HMCN1: variants seen among roughly 807,000 people sequenced by gnomAD.
HMCN1 encodes hemicentin-1.
HMCN1 carries 321 observed loss-of-function variants against 625.9 expected under a neutral mutation model. The observed-to-expected ratio is 0.51, with a 90% CI of 0.47 to 0.56. The LOEUF (loss-of-function observed/expected upper bound fraction) is 0.56. Among genes scored for constraint, HMCN1 ranks in the 20% least tolerant of loss-of-function variants. The pLI is 0.00. For synonymous variants in HMCN1, 2,425 were observed against 2,417.6 expected, an observed-to-expected ratio of 1.00 and a Z score of -0.09; for missense variants, 6,588 against 6,887.3, an observed-to-expected ratio of 0.96 and a Z score of 1.54.
At chr1:186,060,505 G>A (rs868290362) in intron 46 of HMCN1, among the ~76,000 whole-genome samples, 16 of 152,024 alleles carry the variant, frequency 1.1e-4, no homozygotes, top group Middle Eastern at 3.4e-3. Flanking sequence ...TTTAAATAGA[G>A]TTCTCCTCCA....
intron 1 of HMCN1, among the ~76,000 whole-genome samples, chr1:185,841,105 G>A (rs1661449295): frequency 6.6e-6 from 1 of 152,086 alleles, no homozygotes; most frequent in Admixed American, 6.6e-5. Flanking sequence ...ATTTTCTTAA[G>A]TACAACCCAG....
chr1:185,749,159 C>T (rs529085812), intron 1 of HMCN1, among the ~76,000 whole-genome samples: 1 of 152,268 alleles, frequency 6.6e-6, no homozygotes, highest in South Asian at 2.1e-4. Context: ...TGATTCACCA[C>T]CTAAAATTCC....
At position 185,974,672 on chromosome 1, in the gene HMCN1, T is replaced by C. The variant is rs1651071325; in HGVS notation, c.2372-3115T>C. ...GAGTAGGAAGTATTTAAAAAGCTTC[T>C]TGGCTGTATTAGGAGTTGCTTCATT... On this transcript the variant is annotated intron_variant, in intron 15 of 106. Transcript: ENST00000271588. 2.0e-5 allele frequency among the ~76,000 whole-genome samples: 3 copies of C among 152,188 alleles called. No homozygotes were observed. The South Asian group carries it at 6.2e-4, about 32-fold the overall frequency.
chr1:185,963,930 G>A, intron 13 of HMCN1, 35 bp downstream of exon 13: 5 of 1,577,774 alleles, frequency 3.2e-6, no homozygotes, highest in Non-Finnish European at 4.4e-6. Context: ...AATTAAAATA[G>A]GATGAATATC....
intron 1 of HMCN1, among the ~76,000 whole-genome samples, chr1:185,762,205 A>T (rs1655556563): frequency 6.6e-6 from 1 of 152,212 alleles, no homozygotes; most frequent in Non-Finnish European, 1.5e-5. Flanking sequence ...TGACATTGTC[A>T]TTACTTTTCA....
intron 1 of HMCN1, among the ~76,000 whole-genome samples, chr1:185,831,811 C>T (rs1030489092): frequency 2.0e-5 from 3 of 151,810 alleles, no homozygotes; most frequent in East Asian, 1.9e-4. Context: ...CAAACATATA[C>T]GGGAAAAAAA....
chr1:186,112,705 A>C lies in HMCN1; in HGVS notation c.10990-107A>C, dbSNP rs1660946793. ...GGAGGAGCAGACAAAGCATGCTGACAGACAGCAGGTCCACAGTTCACTATA... is the reference window on the plus strand; with the variant it reads ...GGAGGAGCAGACAAAGCATGCTGACCGACAGCAGGTCCACAGTTCACTATA... On this transcript the variant is annotated intron_variant, in intron 71 of 106. Transcript: ENST00000271588. 5 of 1,332,468 alleles carry C rather than the reference A, an allele frequency of 3.8e-6. No individual in the cohort carries two copies. In the Admixed American group the frequency reaches 9.3e-5, roughly 25 times the overall value. 82.5% of individuals were successfully genotyped at this position (1,332,468 alleles called of 1,614,324 possible).
chr1:186,113,173 G>A (rs151036214), intron 72 of HMCN1, among the ~76,000 whole-genome samples: 226 of 152,298 alleles, frequency 1.5e-3, no homozygotes, highest in African/African-American at 5.1e-3. Flanking sequence ...TAGAGAATAT[G>A]TCCAATTGTT....
intron 30 of HMCN1, among the ~76,000 whole-genome samples, chr1:186,011,110 A>G (rs1217134896): frequency 6.6e-6 from 1 of 151,950 alleles, no homozygotes; most frequent in Non-Finnish European, 1.5e-5. Context: ...CAGTGGAGTG[A>G]TCTCAGCTCA....
chr1:186,032,477 G>T (rs771880232), intron 36 of HMCN1, among the ~76,000 whole-genome samples: 4 of 152,054 alleles, frequency 2.6e-5, no homozygotes, highest in Non-Finnish European at 5.9e-5. Context: ...CCGATGGGAG[G>T]TAATTGAATC....
intron 4 of HMCN1, among the ~76,000 whole-genome samples, chr1:185,895,827 G>A (rs555528785): frequency 2.6e-5 from 4 of 152,268 alleles, no homozygotes; most frequent in African/African-American, 9.6e-5. Flanking sequence ...ACAGTGTTAG[G>A]ATTTGCCCTT....
At chr1:186,121,988 CA>C (rs1197769464) in intron 80 of HMCN1, among the ~76,000 whole-genome samples, 2 of 152,056 alleles carry the variant, frequency 1.3e-5, no homozygotes, top group Admixed American at 1.3e-4. Context: ...GATAAGGACC[CA>C]AAAGTATTCA....
intron 4 of HMCN1, among the ~76,000 whole-genome samples, chr1:185,873,896 C>T (rs1436429596): frequency 6.6e-6 from 1 of 151,930 alleles, no homozygotes; most frequent in Admixed American, 6.6e-5. Context: ...ACTTACTTTT[C>T]ATAATTACCT....
chr1:185,779,095 A>G (rs1295194287), intron 1 of HMCN1, among the ~76,000 whole-genome samples: 1 of 152,234 alleles, frequency 6.6e-6, no homozygotes, highest in Non-Finnish European at 1.5e-5. Context: ...TCTGATGGCC[A>G]GTGATGATGA....
chr1:185,968,329 A>G (rs1650567397), intron 14 of HMCN1, among the ~76,000 whole-genome samples: 1 of 152,104 alleles, frequency 6.6e-6, no homozygotes, highest in African/African-American at 2.4e-5. Context: ...GAGATTTGCA[A>G]AATGTGAAAC....
intron 78 of HMCN1, 30 bp from the exon 79 acceptor site, chr1:186,119,715 A>C: frequency 1.2e-6 from 2 of 1,610,780 alleles, no homozygotes; most frequent in Non-Finnish European, 1.7e-6. Context: ...TAGTGCTATT[A>C]CTTCTTTTTG....
chr1:186,076,700 T>C, intron 54 of HMCN1, 78 bp downstream of exon 54: 1 of 1,417,808 alleles, frequency 7.1e-7, no homozygotes, highest in Non-Finnish European at 9.9e-7. Context: ...ACGAATTGAA[T>C]TGGTTGGGTC....
At chr1:186,088,364 A>G in intron 62 of HMCN1, 88 bp downstream of exon 62, 1 of 1,592,572 alleles carries the variant, frequency 6.3e-7, no homozygotes, top group Non-Finnish European at 8.6e-7. Flanking sequence ...CATTTTAAGT[A>G]CCATGCTCAT....
chr1:185,933,694 G>A lies in HMCN1; in HGVS notation c.1698G>A (p.Ala566=), dbSNP rs780133213. The change falls in exon 11 of 107, where the codon GCG becomes GCA. Residue 566 remains alanine, a synonymous_variant. Transcript: ENST00000271588. ...NDRDVRLAEP[A]RIRTLANLSL... ...GAGATGTCAGACTGGCAGAGCCAGC[G>A]AGAATTAGGACCTTGGCTAATCTGT... 2.4e-5 allele frequency: 38 copies of A among 1,613,904 alleles called. No homozygotes were observed. Among genetic ancestry groups the A allele is most frequent in the East Asian group, 4.5e-5 (2 of 44,896 alleles).
Sources: gnomAD v4.1 joint callset for allele counts (sites outside exome capture counted in the v4.1 genomes callset) on GRCh38, gnomAD v4.1.1 for gene constraint, MANE v1.5 for transcripts, NCBI Gene and HGNC (gene_info 2026-07-23, HGNC 2026-07-21) for gene names.